SIL1: variants seen among roughly 807,000 people sequenced by gnomAD.
SIL1 encodes nucleotide exchange factor SIL1.
In SIL1, 40 loss-of-function variants were observed where a neutral mutation model predicts 49.1. The observed-to-expected ratio is 0.81, with a 90% CI of 0.63 to 1.06. The LOEUF (loss-of-function observed/expected upper bound fraction) is 1.06. Among genes scored for constraint, SIL1 ranks in the 50% least tolerant of loss-of-function variants. The pLI, the probability that SIL1 is intolerant of heterozygous loss-of-function variation, is 0.00. For synonymous variants in SIL1, 253 were observed against 250.8 expected (o/e 1.01, Z -0.08); for missense variants, 500 against 572.6 (o/e 0.87, Z 1.29).
intron 7 of SIL1, among the ~76,000 whole-genome samples, chr5:138,996,946 C>T (rs1373767606): frequency 6.6e-6 from 1 of 152,124 alleles, no homozygotes; most frequent in African/African-American, 2.4e-5. Context: ...CCAATCTTTT[C>T]TTTTGAGACA....
Position 138,951,276 on chromosome 5 carries a change from C to A in SIL1, c.924G>T (p.Leu308=). ...TCAGGACCTGCAGCCCCCCGAGCTT[C>A]AGGAACTGCCGCTGGGCATAGGGGA... The part of the protein sequence containing the change: ...RHFPYAQRQF[L]KLGGLQVLRT... Residue 308 remains leucine, a synonymous_variant, in exon 9 of 10, where the codon CTG becomes CTT. Coordinates refer to ENST00000394817, the MANE Select transcript of SIL1 (RefSeq NM_022464.5). 2 of 1,577,586 alleles carry A rather than the reference C, an allele frequency of 1.3e-6. No homozygotes were observed. The highest frequency in any genetic ancestry group is 1.7e-6 in the Non-Finnish European group (2 of 1,160,952).
At chr5:138,958,034 C>T (rs1470145892) in intron 7 of SIL1, among the ~76,000 whole-genome samples, 1 of 151,914 alleles carries the variant, frequency 6.6e-6, no homozygotes, top group East Asian at 1.9e-4. Context: ...GTTGGGATTA[C>T]CGGCATGAGC....
chr5:139,015,817 G>T (rs1029266482), intron 7 of SIL1, among the ~76,000 whole-genome samples: 1 of 152,178 alleles, frequency 6.6e-6, no homozygotes, highest in Admixed American at 6.5e-5. Context: ...ATAGAGAATG[G>T]GATTTCCATG....
chr5:139,151,938 A>G (rs568164408), intron 1 of SIL1, among the ~76,000 whole-genome samples: 45 of 152,380 alleles, frequency 3.0e-4, no homozygotes, highest in African/African-American at 1.1e-3. Flanking sequence ...TCTCAATCCT[A>G]CTTTCCAAAA....
intron 7 of SIL1, among the ~76,000 whole-genome samples, chr5:138,983,401 G>A (rs1028381576): frequency 9.2e-5 from 14 of 151,510 alleles, no homozygotes; most frequent in Non-Finnish European, 1.3e-4. Context: ...CCAGGTACTC[G>A]GGAGGCTGAG....
intron 6 of SIL1, among the ~76,000 whole-genome samples, chr5:139,026,001 C>G (rs764880230): frequency 2.0e-4 from 31 of 152,288 alleles, no homozygotes; most frequent in Non-Finnish European, 3.4e-4. Flanking sequence ...ATCCCCTGCT[C>G]TAGTCCCCCC....
chr5:139,188,585 A>G (rs530351489), intron 1 of SIL1, among the ~76,000 whole-genome samples: 2 of 152,330 alleles, frequency 1.3e-5, no homozygotes, highest in South Asian at 4.1e-4. Flanking sequence ...GTACATCTCA[A>G]AGAGAGAGAC....
At chr5:139,186,093 G>T (rs1752072944) in intron 1 of SIL1, among the ~76,000 whole-genome samples, 1 of 152,186 alleles carries the variant, frequency 6.6e-6, no homozygotes, top group South Asian at 2.1e-4. Context: ...GTAGCCAGAA[G>T]CAGGAACAAC....
At chr5:139,014,339 C>T (rs1052766646) in intron 7 of SIL1, 3 of 149,668 alleles carry the variant, frequency 2.0e-5, no homozygotes, top group Non-Finnish European at 4.4e-5. Flanking sequence ...TGCACCCCAG[C>T]CTGGGCAACA....
In SIL1 at chr5:139,119,452, C is replaced by T. The variant is rs540490974; in HGVS notation, c.244+1583G>A. 7.9e-5 allele frequency among the ~76,000 whole-genome samples: 12 copies of T among 152,334 alleles called. No individual in the cohort carries two copies. The South Asian group carries it at 1.9e-3, about 24-fold the overall frequency. On this transcript the variant is annotated intron_variant, in intron 3 of 9. Transcript: ENST00000394817. ...CACTGACTTCCATCTGCTCCAGGAA[C>T]TTGCCTGGTTAAAAGTGGTACAAGA... is the stretch of plus-strand genomic sequence containing the variant.
chr5:139,143,189 T>C (rs942762197), intron 1 of SIL1, among the ~76,000 whole-genome samples: 1 of 151,142 alleles, frequency 6.6e-6, no homozygotes, highest in African/African-American at 2.4e-5. Flanking sequence ...TATGTGCAGA[T>C]GATATATACA....
chr5:139,024,197 GA>G (rs532199675), intron 6 of SIL1, among the ~76,000 whole-genome samples: 1 of 152,136 alleles, frequency 6.6e-6, no homozygotes, highest in African/African-American at 2.4e-5. Context: ...GTTAAGATGA[GA>G]AAAAATAGAA....
intron 7 of SIL1, among the ~76,000 whole-genome samples, chr5:139,007,446 C>T (rs1389348256): frequency 8.1e-6 from 1 of 122,908 alleles, no homozygotes; most frequent in Non-Finnish European, 1.7e-5. Flanking sequence ...ATTGAATATC[C>T]TTTATTTCCT....
At chr5:139,147,582 A>C (rs1751218014) in intron 1 of SIL1, among the ~76,000 whole-genome samples, 1 of 152,210 alleles carries the variant, frequency 6.6e-6, no homozygotes, top group African/African-American at 2.4e-5. Context: ...GAGAGCAATC[A>C]GCAAGAGAAA....
chr5:139,117,958 C>T (rs557186432), intron 3 of SIL1, among the ~76,000 whole-genome samples: 36 of 152,242 alleles, frequency 2.4e-4, no homozygotes, highest in Middle Eastern at 3.4e-3. Context: ...AAACAGCCCA[C>T]GAAACCTAGT....
At chr5:139,140,583 G>A (rs1028010434) in intron 1 of SIL1, among the ~76,000 whole-genome samples, 4 of 152,100 alleles carry the variant, frequency 2.6e-5, no homozygotes, top group African/African-American at 9.7e-5. Flanking sequence ...TTACATATGT[G>A]GGCAGAAACA....
At chr5:139,181,987 T>C (rs763603869) in intron 1 of SIL1, among the ~76,000 whole-genome samples, 1 of 152,170 alleles carries the variant, frequency 6.6e-6, no homozygotes, top group Non-Finnish European at 1.5e-5. Flanking sequence ...TTTTGTTTTT[T>C]TGGTTTTTTT....
chr5:139,140,779 A>T (rs1458677595), intron 1 of SIL1, among the ~76,000 whole-genome samples: 2 of 152,216 alleles, frequency 1.3e-5, no homozygotes, highest in Admixed American at 6.5e-5. Flanking sequence ...AGAGGATTTT[A>T]AATGCATTGT....
intron 7 of SIL1, among the ~76,000 whole-genome samples, chr5:138,963,886 C>T (rs1212103481): frequency 1.3e-5 from 2 of 152,174 alleles, no homozygotes; most frequent in South Asian, 4.1e-4. Flanking sequence ...CCACTTGGCT[C>T]ACATTGTAAC....
Sources: allele counts gnomAD v4.1 joint callset (sites outside exome capture counted in the v4.1 genomes callset), GRCh38; gene constraint gnomAD v4.1.1; transcripts MANE v1.5; gene names NCBI Gene and HGNC (gene_info 2026-07-23, HGNC 2026-07-21).